Variants in FGF12 observed in about 807,000 individuals in gnomAD.
FGF12 encodes the protein fibroblast growth factor 12B.
A neutral mutation model predicts 23.6 loss-of-function variants in FGF12; 14 were observed. The observed-to-expected ratio is 0.59, with a 90% CI of 0.39 to 0.93. FGF12 has a LOEUF of 0.93. FGF12 is among the 40% of genes least tolerant of loss of function. The probability of loss-of-function intolerance (pLI) is 0.00; values close to 1 mark genes in which losing one functional copy is unlikely to be tolerated. For synonymous variants in FGF12, 62 were observed against 77.3 expected (o/e 0.80, Z 1.04); for missense variants, 175 against 217.8 (o/e 0.80, Z 1.24).
intron 4 of FGF12, among the ~76,000 whole-genome samples, chr3:192,221,730 AGG>A (rs1469984782): frequency 2.0e-5 from 3 of 152,212 alleles, no homozygotes; most frequent in Non-Finnish European, 1.5e-5. Context: ...AATGTAATTC[AGG>A]TCAACAAAGA....
At chr3:192,387,502 T>A (rs1720093742) in intron 2 of FGF12, among the ~76,000 whole-genome samples, 1 of 152,166 alleles carries the variant, frequency 6.6e-6, no homozygotes, top group Non-Finnish European at 1.5e-5. Context: ...GATTTCTTTT[T>A]ATTACTAATT....
At chr3:192,158,393 C>CTT (rs1368589642) in intron 5 of FGF12, among the ~76,000 whole-genome samples, 29 of 79,268 alleles carry the variant, frequency 3.7e-4, no homozygotes, top group African/African-American at 1.9e-3. Flanking sequence ...TTTTCTTTCT[C>CTT]TCTCTTTCTT....
intron 2 of FGF12, among the ~76,000 whole-genome samples, chr3:192,656,051 A>C (rs1716404500): frequency 6.6e-6 from 1 of 151,922 alleles, no homozygotes. Context: ...AAAAAAAAAA[A>C]AAAAAAAAAA....
intron 4 of FGF12, among the ~76,000 whole-genome samples, chr3:192,276,076 C>T (rs1381215087): frequency 2.6e-5 from 4 of 152,144 alleles, no homozygotes; most frequent in Admixed American, 6.5e-5. Context: ...TAACAGTCAG[C>T]GATTCATTAA....
At chr3:192,202,280 C>T (rs773944071) in intron 4 of FGF12, among the ~76,000 whole-genome samples, 26 of 152,158 alleles carry the variant, frequency 1.7e-4, no homozygotes, top group Non-Finnish European at 3.5e-4. Context: ...GGCCCGGTAG[C>T]TCTAATGAAA....
At chr3:192,146,560 C>T (rs911707607) in intron 5 of FGF12, among the ~76,000 whole-genome samples, 7 of 152,148 alleles carry the variant, frequency 4.6e-5, no homozygotes, top group African/African-American at 7.2e-5. Context: ...TGAGCCATCG[C>T]GCCTGGCCTA....
chr3:192,142,030 G>A lies in FGF12; in HGVS notation c.*1979C>T, dbSNP rs1577166217. The stretch of plus-strand genomic sequence containing the variant: ...CTAGAGTTATATTTTTGCCCCAGGG[G>A]TATTCTTTTCCTAGAAGAGCAAGTC... On this transcript the variant is annotated 3_prime_UTR_variant, in exon 6 of 6. Coordinates refer to ENST00000445105, the MANE Select transcript of FGF12 (RefSeq NM_004113.6). The A allele has an allele frequency of 6.6e-6, 1 of 152,244 alleles. No individual in the cohort carries two copies. Among genetic ancestry groups the A allele is most frequent in the African/African-American group, 2.4e-5 (1 of 41,374 alleles). The allele number at this position is 152,244 out of a possible 1,614,324, so 9.4% of individuals were successfully genotyped here. A position where few individuals can be genotyped will look rare whatever the true frequency, so the allele number is the denominator to read the frequency against.
intron 4 of FGF12, among the ~76,000 whole-genome samples, chr3:192,203,526 T>A (rs1387095588): frequency 6.6e-6 from 1 of 151,776 alleles, no homozygotes; most frequent in African/African-American, 2.4e-5. Context: ...GTGTCTCTAA[T>A]AAATGAGTCA....
intron 2 of FGF12, among the ~76,000 whole-genome samples, chr3:192,400,330 C>A (rs1576950554): frequency 6.7e-6 from 1 of 149,858 alleles, no homozygotes; most frequent in South Asian, 2.1e-4. Context: ...AACCATTAAA[C>A]AATAAATAAA....
At position 192,235,870 on chromosome 3, in the gene FGF12, T is replaced by C. The variant is rs184177786; in HGVS notation, c.229-65214A>G. On this transcript the variant is annotated intron_variant, in intron 4 of 5. Transcript: ENST00000445105. ...GTCTTAATTTCATTCAGTTCATCTC[T>C]GATTTTGGATATTTCTTTTCTTCTG... is the stretch of plus-strand genomic sequence containing the variant. Among the ~76,000 whole-genome samples, 260 of 152,324 alleles carry C rather than the reference T, an allele frequency of 1.7e-3. 2 individuals are homozygous for C. The highest frequency in any genetic ancestry group is 5.9e-3 in the African/African-American group (244 of 41,580).
At chr3:192,187,920 G>A (rs1716565977) in intron 4 of FGF12, among the ~76,000 whole-genome samples, 1 of 152,124 alleles carries the variant, frequency 6.6e-6, no homozygotes, top group African/African-American at 2.4e-5. Flanking sequence ...ACCATATCAC[G>A]GAAATAAACA....
intron 2 of FGF12, among the ~76,000 whole-genome samples, chr3:192,661,166 G>GT (rs1218660702): frequency 6.7e-6 from 1 of 148,750 alleles, no homozygotes; most frequent in Non-Finnish European, 1.5e-5. Context: ...GAAAAGCAAG[G>GT]TAACAAAATA....
At chr3:192,546,118 A>T (rs1725488290) in intron 2 of FGF12, among the ~76,000 whole-genome samples, 1 of 152,216 alleles carries the variant, frequency 6.6e-6, no homozygotes, top group South Asian at 2.1e-4. Flanking sequence ...AGTCTGGACA[A>T]CTTTGATTCA....
intron 2 of FGF12, among the ~76,000 whole-genome samples, chr3:192,566,088 A>G (rs966639693): frequency 2.6e-5 from 4 of 152,218 alleles, no homozygotes; most frequent in African/African-American, 7.2e-5. Flanking sequence ...TTCCGTCTCA[A>G]AAAAGCAAGA....
chr3:192,376,620 C>G (rs1400323469), intron 2 of FGF12, among the ~76,000 whole-genome samples: 1 of 152,110 alleles, frequency 6.6e-6, no homozygotes, highest in Non-Finnish European at 1.5e-5. Flanking sequence ...CCTTGGCCTC[C>G]CAAAGTGCTG....
chr3:192,715,162 T>C (rs1397061357), intron 2 of FGF12, among the ~76,000 whole-genome samples: 1 of 152,200 alleles, frequency 6.6e-6, no homozygotes, highest in Non-Finnish European at 1.5e-5. Flanking sequence ...ATCTAATTTT[T>C]TAAAGATGAT....
Position 192,252,462 on chromosome 3 carries a change from C to CAAAAAAAA in FGF12, c.229-81814_229-81807dup. Among the ~76,000 whole-genome samples, 203 of 27,534 alleles carry CAAAAAAAA rather than the reference C, an allele frequency of 7.4e-3. 10 individuals carry two copies. The highest frequency in any genetic ancestry group is 0.015 in the African/African-American group (116 of 7,834). 18.1% of individuals were successfully genotyped at this position (27,534 alleles called of 152,430 possible). ...TGGGTAATGGAGTGAGAATCTGTCT[C>CAAAAAAAA]AAAAAAAAAAAAAAAAAAAAAAAAA... On this transcript the variant is annotated intron_variant, in intron 4 of 5. Transcript: ENST00000445105.
At chr3:192,412,765 T>C (rs1721236464) in intron 2 of FGF12, among the ~76,000 whole-genome samples, 1 of 152,238 alleles carries the variant, frequency 6.6e-6, no homozygotes, top group South Asian at 2.1e-4. Flanking sequence ...GGCCACTAAA[T>C]CTCATAAGTC....
At chr3:192,257,954 T>C (rs959635564) in intron 4 of FGF12, among the ~76,000 whole-genome samples, 4 of 150,480 alleles carry the variant, frequency 2.7e-5, no homozygotes, top group Non-Finnish European at 4.4e-5. Context: ...TAAATTCCAA[T>C]CCTTACGGTA....
Sources: gnomAD v4.1 joint callset for allele counts (sites outside exome capture counted in the v4.1 genomes callset) on GRCh38, gnomAD v4.1.1 for gene constraint, MANE v1.5 for transcripts, NCBI Gene and HGNC (gene_info 2026-07-23, HGNC 2026-07-21) for gene names.